The following GABRB2 variants were observed in gnomAD, a reference collection of about 807,000 sequenced individuals.
The protein encoded by GABRB2 is gamma-aminobutyric acid receptor subunit beta-2.
In GABRB2, 16 loss-of-function variants were observed where a neutral mutation model predicts 54.7. That is an observed-to-expected ratio of 0.29 (90% CI 0.20 to 0.44). The LOEUF (loss-of-function observed/expected upper bound fraction) is 0.44. GABRB2 is among the 20% of genes least tolerant of loss of function. The pLI, the probability that GABRB2 is intolerant of heterozygous loss-of-function variation, is 1.00. For synonymous variants in GABRB2, 244 were observed against 233.8 expected (o/e 1.04, Z -0.40); for missense variants, 355 against 644.0 (o/e 0.55, Z 4.86).
chr5:161,531,979 G>T (rs11741542), intron 3 of GABRB2, among the ~76,000 whole-genome samples: 45,420 of 151,906 alleles, frequency 0.3, 7,065 homozygotes, highest in Admixed American at 0.41. Flanking sequence ...AATGAGCACA[G>T]TTTAATAGTC....
At chr5:161,457,225 G>C (rs1221959170) in intron 4 of GABRB2, among the ~76,000 whole-genome samples, 5 of 152,140 alleles carry the variant, frequency 3.3e-5, no homozygotes, top group Non-Finnish European at 7.4e-5. Flanking sequence ...ATGTATGTTA[G>C]ATGTGTTCAG....
intron 5 of GABRB2, among the ~76,000 whole-genome samples, chr5:161,353,735 ATCAACTGTTT>A (rs2113439318): frequency 6.6e-6 from 1 of 152,162 alleles, no homozygotes; most frequent in Admixed American, 6.6e-5. Context: ...ACCAAACTAA[ATCAACTGTTT>A]TTATTAGTAG....
intron 4 of GABRB2, among the ~76,000 whole-genome samples, chr5:161,411,814 T>TTATA (rs202054186): frequency 0.013 from 1,877 of 149,582 alleles, 37 homozygotes; most frequent in African/African-American, 0.042. Context: ...CATTTAGAGT[T>TTATA]TATATATATA....
At chr5:161,362,118 C>G (rs1754831357) in intron 5 of GABRB2, among the ~76,000 whole-genome samples, 1 of 152,070 alleles carries the variant, frequency 6.6e-6, no homozygotes, top group Non-Finnish European at 1.5e-5. Flanking sequence ...GGCCTGTGTT[C>G]TGTTGCATTG....
chr5:161,377,166 A>T (rs1449349238), intron 5 of GABRB2, among the ~76,000 whole-genome samples: 5 of 152,122 alleles, frequency 3.3e-5, no homozygotes, highest in African/African-American at 1.2e-4. Flanking sequence ...ATCTTTTAAA[A>T]ATATATATGG....
rs562583950 is a variant in GABRB2 at position 161,341,079 on chromosome 5, G to A, written c.542-4310C>T. Among the ~76,000 whole-genome samples the A allele has an allele frequency of 2.4e-4, 36 of 152,050 alleles. No individual in the cohort carries two copies. The South Asian group carries it at 5.8e-3, about 25-fold the overall frequency. On this transcript the variant is annotated intron_variant, in intron 5 of 9. Transcript: ENST00000393959. ...TATTGCATCATTGGTTTCTGAAGACGAAAGAGCAACGAGCTCCATGACAGT... is the reference window on the plus strand; with the variant it reads ...TATTGCATCATTGGTTTCTGAAGACAAAAGAGCAACGAGCTCCATGACAGT...
At chr5:161,337,857 A>G (rs544539562) in intron 5 of GABRB2, among the ~76,000 whole-genome samples, 25 of 152,290 alleles carry the variant, frequency 1.6e-4, no homozygotes, top group Non-Finnish European at 2.5e-4. Context: ...TTATCTTTTC[A>G]AAGAACTTTT....
At chr5:161,521,966 T>C (rs1052983493) in intron 3 of GABRB2, among the ~76,000 whole-genome samples, 1 of 151,896 alleles carries the variant, frequency 6.6e-6, no homozygotes, top group African/African-American at 2.4e-5. Context: ...CAGAGAAGAT[T>C]GAGTTGCCTT....
rs933351739 is a variant in GABRB2 at position 161,318,040 on chromosome 5, GT to G, written c.1191+8327del. The stretch of plus-strand genomic sequence containing the variant: ...GAAAAACTTGCAAAGTACTGCTGGT[GT>G]TTTTTTTCTCAGGAAGATTGGGATT... On this transcript the variant is annotated intron_variant, in intron 9 of 9. Coordinates refer to ENST00000393959, the MANE Select transcript of GABRB2 (RefSeq NM_001371727.1). Among the ~76,000 whole-genome samples, 16 of 151,652 alleles carry G rather than the reference GT, an allele frequency of 1.1e-4. 1 individual carries two copies. Among genetic ancestry groups the G allele is most frequent in the African/African-American group, 3.4e-4 (14 of 41,422 alleles).
chr5:161,518,001 G>T (rs910793444), intron 3 of GABRB2, among the ~76,000 whole-genome samples: 1 of 152,010 alleles, frequency 6.6e-6, no homozygotes, highest in East Asian at 1.9e-4. Context: ...GTAGAGTCGG[G>T]GTTTCCCCGT....
rs113347700 is a variant in GABRB2, at chr5:161,304,459, T to C, written c.1192-10031A>G. Reference sequence around the variant, plus strand: ...CTGTGATCTTGACCCAGTGCTAGTATTTCTTTTCCACACTGTGTAGGCCTT... The same window carrying C: ...CTGTGATCTTGACCCAGTGCTAGTACTTCTTTTCCACACTGTGTAGGCCTT... On this transcript the variant is annotated intron_variant, in intron 9 of 9. Transcript: ENST00000393959. Among the ~76,000 whole-genome samples, 1,508 of 152,326 alleles carry C rather than the reference T, an allele frequency of 9.9e-3. 27 individuals are homozygous for C. Among genetic ancestry groups the C allele is most frequent in the African/African-American group, 0.034 (1,395 of 41,566 alleles).
intron 5 of GABRB2, among the ~76,000 whole-genome samples, chr5:161,409,467 C>T (rs1022748396): frequency 1.3e-5 from 2 of 151,952 alleles, no homozygotes; most frequent in Admixed American, 6.6e-5. Flanking sequence ...AATAAAGAGG[C>T]CTTGTTTACT....
chr5:161,483,998 C>T (rs1464965636), intron 3 of GABRB2, among the ~76,000 whole-genome samples: 1 of 151,706 alleles, frequency 6.6e-6, no homozygotes, highest in Admixed American at 6.6e-5. Flanking sequence ...AAAGAGGATT[C>T]TATCTTTACC....
At chr5:161,544,100 G>A (rs139384229) in intron 3 of GABRB2, among the ~76,000 whole-genome samples, 2 of 152,074 alleles carry the variant, frequency 1.3e-5, no homozygotes, top group Non-Finnish European at 2.9e-5. Flanking sequence ...TTTGAATTCT[G>A]GGAATATGGA....
At chr5:161,379,653 A>C (rs1302201334) in intron 5 of GABRB2, among the ~76,000 whole-genome samples, 1 of 152,234 alleles carries the variant, frequency 6.6e-6, no homozygotes, top group Non-Finnish European at 1.5e-5. Flanking sequence ...GCAGACATTC[A>C]TACATTAATT....
intron 5 of GABRB2, among the ~76,000 whole-genome samples, chr5:161,401,396 GAAT>G (rs1448035720): frequency 6.6e-6 from 1 of 152,078 alleles, no homozygotes; most frequent in Non-Finnish European, 1.5e-5. Context: ...GGAATGCGTA[GAAT>G]ATTATCTACC....
At chr5:161,456,993 T>C (rs926624917) in intron 4 of GABRB2, among the ~76,000 whole-genome samples, 1 of 152,208 alleles carries the variant, frequency 6.6e-6, no homozygotes, top group African/African-American at 2.4e-5. Context: ...GAATTCCTTT[T>C]ACCTATCTAT....
chr5:161,368,116 G>GACACAC (rs11467721), intron 5 of GABRB2, among the ~76,000 whole-genome samples: 29,131 of 144,792 alleles, frequency 0.2, 2,944 homozygotes, highest in East Asian at 0.27. Flanking sequence ...CTCCCTCTCT[G>GACACAC]ACACACACAC....
chr5:161,446,554 T>G (rs1349736353), intron 4 of GABRB2, among the ~76,000 whole-genome samples: 1 of 152,144 alleles, frequency 6.6e-6, no homozygotes, highest in Non-Finnish European at 1.5e-5. Flanking sequence ...AGGCACAGAC[T>G]TTGGAGTCAG....
Sources: allele counts gnomAD v4.1 joint callset (sites outside exome capture counted in the v4.1 genomes callset), GRCh38; gene constraint gnomAD v4.1.1; transcripts MANE v1.5; gene names NCBI Gene and HGNC (gene_info 2026-07-23, HGNC 2026-07-21).